The following SYN3 variants were observed in gnomAD, a reference collection of about 807,000 sequenced individuals.
SYN3 encodes the protein synapsin III.
A neutral mutation model predicts 65.8 loss-of-function variants in SYN3; 35 were observed. That is an observed-to-expected ratio of 0.53 (90% CI 0.41 to 0.70). SYN3 has a LOEUF of 0.70. SYN3 is among the 30% of genes least tolerant of loss of function. The pLI is 0.00. For synonymous variants in SYN3, 270 were observed against 292.9 expected, an observed-to-expected ratio of 0.92 and a Z score of 0.80; for missense variants, 680 against 749.0, an observed-to-expected ratio of 0.91 and a Z score of 1.08.
intron 4 of SYN3, among the ~76,000 whole-genome samples, chr22:32,913,580 TGGGCTCTTAG>T (rs1398653578): frequency 2.0e-5 from 3 of 152,192 alleles, no homozygotes; most frequent in African/African-American, 7.2e-5. Flanking sequence ...ATTTTCTTGC[TGGGCTCTTAG>T]GGGCAAGTTA....
chr22:32,777,931 C>T lies in SYN3; in HGVS notation c.711+86984G>A, dbSNP rs762895802. Among the ~76,000 whole-genome samples the T allele has an allele frequency of 5.2e-4, 79 of 152,194 alleles. 1 individual carries two copies. The highest frequency in any genetic ancestry group is 5.6e-4 in the Non-Finnish European group (38 of 68,016). ...AGTTTAACTATTAAAGAAAGAATTC[C>T]TGGGATGCCACCTAAAACCATCCTG... On this transcript the variant is annotated intron_variant, in intron 6 of 13. Coordinates refer to ENST00000358763, the MANE Select transcript of SYN3 (RefSeq NM_003490.4).
chr22:32,612,177 C>A (rs1390827060), intron 6 of SYN3, among the ~76,000 whole-genome samples: 1 of 152,080 alleles, frequency 6.6e-6, no homozygotes, highest in Non-Finnish European at 1.5e-5. Context: ...TATAATAAAC[C>A]AATAAATATA....
intron 1 of SYN3, among the ~76,000 whole-genome samples, chr22:33,054,143 C>T (rs2054217141): frequency 6.6e-6 from 1 of 152,028 alleles, no homozygotes; most frequent in Non-Finnish European, 1.5e-5. Flanking sequence ...ATTTTCTCCT[C>T]CTCTCTCTCT....
intron 2 of SYN3, among the ~76,000 whole-genome samples, chr22:32,980,931 T>C (rs2052353805): frequency 1.3e-5 from 2 of 151,834 alleles, no homozygotes; most frequent in South Asian, 2.1e-4. Flanking sequence ...CTCGGCTCAC[T>C]ACAACCTCTG....
chr22:32,574,925 T>A (rs34500697), intron 7 of SYN3, among the ~76,000 whole-genome samples: 2 of 152,146 alleles, frequency 1.3e-5, no homozygotes, highest in African/African-American at 4.8e-5. Context: ...ATGGGCTCTA[T>A]GAGAGTAGGG....
At chr22:33,039,170 A>T (rs772991822) in intron 1 of SYN3, among the ~76,000 whole-genome samples, 11 of 152,140 alleles carry the variant, frequency 7.2e-5, no homozygotes, top group Non-Finnish European at 1.6e-4. Flanking sequence ...ATAGATAATG[A>T]CATCAACACT....
chr22:32,965,733 T>C (rs1463016684), intron 3 of SYN3, among the ~76,000 whole-genome samples: 1 of 152,150 alleles, frequency 6.6e-6, no homozygotes, highest in Non-Finnish European at 1.5e-5. Context: ...TCTCGCTCTT[T>C]CGCCCAGGCT....
chr22:32,784,467 T>A (rs1048773281), intron 6 of SYN3, among the ~76,000 whole-genome samples: 1 of 152,180 alleles, frequency 6.6e-6, no homozygotes. Context: ...AGGAACCAAA[T>A]GTTGCCATCA....
intron 4 of SYN3, among the ~76,000 whole-genome samples, chr22:32,908,378 G>A (rs964422001): frequency 8.8e-5 from 12 of 136,650 alleles, no homozygotes; most frequent in Admixed American, 4.8e-4. Flanking sequence ...GAGCCACCAC[G>A]CCTAGCCTTT....
intron 6 of SYN3, among the ~76,000 whole-genome samples, chr22:32,822,466 C>T (rs563112391): frequency 2.0e-5 from 3 of 152,300 alleles, no homozygotes; most frequent in Admixed American, 1.3e-4. Flanking sequence ...ACTGGTGTGA[C>T]GTCTGGGGAG....
At chr22:33,038,079 C>T (rs2053891355) in intron 1 of SYN3, among the ~76,000 whole-genome samples, 1 of 152,134 alleles carries the variant, frequency 6.6e-6, no homozygotes, top group African/African-American at 2.4e-5. Context: ...CCAGGCAATC[C>T]GGTGCCCTGC....
At chr22:32,575,579 C>G (rs1043336421) in intron 7 of SYN3, among the ~76,000 whole-genome samples, 1 of 152,184 alleles carries the variant, frequency 6.6e-6, no homozygotes, top group Non-Finnish European at 1.5e-5. Context: ...ATTTTCCGAC[C>G]ACAACTTTAA....
chr22:32,671,544 C>A (rs1177579956), intron 6 of SYN3, among the ~76,000 whole-genome samples: 1 of 150,132 alleles, frequency 6.7e-6, no homozygotes, highest in East Asian at 1.9e-4. Context: ...CGCTCTCACG[C>A]AGGTGCACAC....
intron 6 of SYN3, among the ~76,000 whole-genome samples, chr22:32,818,562 G>A (rs2047148439): frequency 6.6e-6 from 1 of 152,154 alleles, no homozygotes; most frequent in Non-Finnish European, 1.5e-5. Context: ...ATTTAAAGGA[G>A]GAAAGGAAAC....
chr22:32,952,032 G>T (rs1050839094), intron 3 of SYN3, among the ~76,000 whole-genome samples: 2 of 152,158 alleles, frequency 1.3e-5, no homozygotes, highest in East Asian at 3.9e-4. Context: ...GCTGGTCCTG[G>T]GGGGGATCAG....
chr22:32,556,490 G>T (rs925803394), intron 7 of SYN3, among the ~76,000 whole-genome samples: 4 of 152,096 alleles, frequency 2.6e-5, no homozygotes, highest in Admixed American at 2.6e-4. Context: ...TTTACATGGC[G>T]TCTGACAGAC....
chr22:32,858,984 A>G (rs900007976), intron 6 of SYN3, among the ~76,000 whole-genome samples: 1 of 152,224 alleles, frequency 6.6e-6, no homozygotes, highest in Non-Finnish European at 1.5e-5. Context: ...AAAGAGAATA[A>G]TATCAAAGCA....
intron 6 of SYN3, among the ~76,000 whole-genome samples, chr22:32,631,509 C>G (rs143020786): frequency 7.9e-5 from 12 of 152,218 alleles, no homozygotes; most frequent in Admixed American, 7.2e-4. Flanking sequence ...AATAAATTCA[C>G]CTGGAGTCAA....
intron 6 of SYN3, among the ~76,000 whole-genome samples, chr22:32,789,923 C>G (rs1280397216): frequency 6.6e-6 from 1 of 152,210 alleles, no homozygotes; most frequent in East Asian, 1.9e-4. Context: ...TTGACAGTGA[C>G]TATTCACTGA....
Sources: gnomAD v4.1 joint callset for allele counts (sites outside exome capture counted in the v4.1 genomes callset) on GRCh38, gnomAD v4.1.1 for gene constraint, MANE v1.5 for transcripts, NCBI Gene and HGNC (gene_info 2026-07-23, HGNC 2026-07-21) for gene names.